XKR9: variants seen among roughly 807,000 people sequenced by gnomAD.
XKR9 encodes XK-related protein 9.
Under a neutral mutation model 32.0 loss-of-function variants are expected in XKR9, and 32 were observed. That is an observed-to-expected ratio of 1.00 (90% confidence interval 0.76 to 1.34). XKR9 has a LOEUF of 1.34. Ranked by LOEUF, XKR9 falls within the 40% of genes most tolerant of loss-of-function variation. The pLI, the probability that XKR9 is intolerant of heterozygous loss-of-function variation, is 0.00. For synonymous variants in XKR9, 168 were observed against 143.4 expected (o/e 1.17, Z -1.22); for missense variants, 546 against 429.7 (o/e 1.27, Z -2.39).
chr8:70,974,276 G>T, the XKR9 span, among the ~76,000 whole-genome samples: 1 of 151,138 alleles, frequency 6.6e-6, no homozygotes, highest in Non-Finnish European at 1.5e-5. Flanking sequence ...AGGTTCTAGG[G>T]TACATGTGCA....
chr8:70,836,776 A>C, the XKR9 span, among the ~76,000 whole-genome samples: 1 of 152,068 alleles, frequency 6.6e-6, no homozygotes, highest in African/African-American at 2.4e-5. Context: ...TTACTTAAAA[A>C]ATATTTATTG....
chr8:70,901,618 C>T, the XKR9 span, among the ~76,000 whole-genome samples: 4 of 152,166 alleles, frequency 2.6e-5, no homozygotes, highest in African/African-American at 9.7e-5. Context: ...GTTGCCTGTT[C>T]ACTCTGATGG....
the XKR9 span, among the ~76,000 whole-genome samples, chr8:70,799,539 C>T: frequency 1.0e-3 from 152 of 152,070 alleles, 2 homozygotes; most frequent in African/African-American, 3.4e-3. Context: ...ACCATGTTGC[C>T]CAGGGTGGTC....
intron 1 of XKR9, among the ~76,000 whole-genome samples, chr8:70,671,777 A>G (rs1818723728): frequency 8.9e-6 from 1 of 112,328 alleles, no homozygotes. Context: ...TATTGTGAAT[A>G]GTGCCGCAAT....
intron 4 of XKR9, among the ~76,000 whole-genome samples, chr8:70,714,861 A>G (rs899499918): frequency 6.6e-6 from 1 of 152,182 alleles, no homozygotes; most frequent in Non-Finnish European, 1.5e-5. Context: ...TAAGTAAAGA[A>G]TTAATAAGAA....
chr8:70,780,951 C>G (rs1444315449), intron 2 of XKR9: 3 of 151,260 alleles, frequency 2.0e-5, no homozygotes, highest in Non-Finnish European at 4.4e-5. Flanking sequence ...AGTTGTATAC[C>G]AACTTCAGTG....
At chr8:71,025,754 C>T in the XKR9 span, among the ~76,000 whole-genome samples, 1 of 152,202 alleles carries the variant, frequency 6.6e-6, no homozygotes, top group African/African-American at 2.4e-5. Context: ...TGCAGTGTGC[C>T]TTCCTGTTCT....
At chr8:71,060,284 C>T in the XKR9 span, among the ~76,000 whole-genome samples, 1 of 152,202 alleles carries the variant, frequency 6.6e-6, no homozygotes, top group African/African-American at 2.4e-5. Flanking sequence ...ATTCTAGACC[C>T]TGAGCTGAAT....
At chr8:70,705,573 G>A (rs1328291997) in intron 3 of XKR9, among the ~76,000 whole-genome samples, 2 of 152,096 alleles carry the variant, frequency 1.3e-5, no homozygotes, top group Admixed American at 6.6e-5. Flanking sequence ...GAGAAAAACA[G>A]CAAGGAGGCC....
At chr8:70,955,109 T>A in the XKR9 span, among the ~76,000 whole-genome samples, 4 of 152,226 alleles carry the variant, frequency 2.6e-5, no homozygotes, top group Non-Finnish European at 5.9e-5. Flanking sequence ...AATTCCAACT[T>A]CACCCGTGAC....
At chr8:71,000,578 A>T in the XKR9 span, among the ~76,000 whole-genome samples, 1 of 152,244 alleles carries the variant, frequency 6.6e-6, no homozygotes, top group East Asian at 1.9e-4. Flanking sequence ...TAAGCACTTT[A>T]TACATTTTGT....
rs57039682 is a variant in XKR9, at chr8:70,687,312, CTCTTTCTTTCTTTCTTTCTT to C, written c.272+6010_272+6029del. On this transcript the variant is annotated intron_variant, in intron 3 of 4. Transcript: ENST00000408926. ...ATGACAGGATTTCTTTCTCTCCTCC[CTCTTTCTTTCTTTCTTTCTT>C]TCTTTCTTTCTTTCTTTCTTTCTTT... is the stretch of plus-strand genomic sequence containing the variant. 2.6e-3 allele frequency among the ~76,000 whole-genome samples: 354 copies of C among 138,354 alleles called. 3 individuals carry two copies. The highest frequency in any genetic ancestry group is 7.6e-3 in the African/African-American group (279 of 36,704). 90.8% of individuals were successfully genotyped at this position (138,354 alleles called of 152,430 possible).
At chr8:70,850,457 C>T in the XKR9 span, among the ~76,000 whole-genome samples, 3 of 123,078 alleles carry the variant, frequency 2.4e-5, no homozygotes, top group African/African-American at 8.7e-5. Context: ...CAGCAAGACT[C>T]CTTCTCAAAA....
chr8:71,026,249 A>G, the XKR9 span, among the ~76,000 whole-genome samples: 1 of 152,130 alleles, frequency 6.6e-6, no homozygotes, highest in Non-Finnish European at 1.5e-5. Flanking sequence ...CCTTATTGTT[A>G]TTGGCTTTCC....
At chr8:70,798,311 T>G in the XKR9 span, among the ~76,000 whole-genome samples, 1 of 152,226 alleles carries the variant, frequency 6.6e-6, no homozygotes, top group Non-Finnish European at 1.5e-5. Flanking sequence ...TGATTAGTGA[T>G]GTTGAGCATG....
At chr8:70,713,745 A>G (rs1414438028) in intron 4 of XKR9, among the ~76,000 whole-genome samples, 2 of 152,168 alleles carry the variant, frequency 1.3e-5, no homozygotes, top group African/African-American at 4.8e-5. Flanking sequence ...AAACCTATAT[A>G]GTATAGGAGA....
At chr8:70,859,650 T>C in the XKR9 span, among the ~76,000 whole-genome samples, 1 of 152,296 alleles carries the variant, frequency 6.6e-6, no homozygotes, top group East Asian at 1.9e-4. Flanking sequence ...GGAATACTAG[T>C]TGGTCATAAC....
the XKR9 span, among the ~76,000 whole-genome samples, chr8:70,854,081 A>G: frequency 6.6e-6 from 1 of 152,200 alleles, no homozygotes; most frequent in Admixed American, 6.5e-5. Flanking sequence ...TTCTAGTTCT[A>G]GATCCCTGAG....
the XKR9 span, among the ~76,000 whole-genome samples, chr8:70,879,229 A>G: frequency 1.3e-5 from 2 of 152,202 alleles, no homozygotes; most frequent in Non-Finnish European, 1.5e-5. Flanking sequence ...TGACACCTTA[A>G]TATCATAATT....
Sources: gnomAD v4.1 joint callset for allele counts (sites outside exome capture counted in the v4.1 genomes callset) on GRCh38, gnomAD v4.1.1 for gene constraint, MANE v1.5 for transcripts, NCBI Gene and HGNC (gene_info 2026-07-23, HGNC 2026-07-21) for gene names.